Variants in CSGALNACT1 observed in about 807,000 individuals in gnomAD.
The protein encoded by CSGALNACT1 is chondroitin sulfate N-acetylgalactosaminyltransferase 1.
CSGALNACT1 carries 52 observed loss-of-function variants against 51.0 expected under a neutral mutation model. The ratio of observed to expected loss-of-function variants is 1.02; its 90% confidence interval spans 0.82 to 1.29. The LOEUF is 1.29. Ranked by LOEUF, CSGALNACT1 falls within the 50% of genes most tolerant of loss-of-function variation. CSGALNACT1 has a pLI of 0.00. For synonymous variants in CSGALNACT1, 341 were observed against 254.4 expected, an observed-to-expected ratio of 1.34 and a Z score of -3.24; for missense variants, 935 against 679.2, an observed-to-expected ratio of 1.38 and a Z score of -4.19.
chr8:19,753,337 A>C (rs1325583175), intron 1 of CSGALNACT1, among the ~76,000 whole-genome samples: 1 of 148,744 alleles, frequency 6.7e-6, no homozygotes, highest in Non-Finnish European at 1.5e-5. Flanking sequence ...AAGATTACTG[A>C]CCTAGACCTT....
intron 3 of CSGALNACT1, among the ~76,000 whole-genome samples, chr8:19,537,893 T>C (rs1010661920): frequency 2.6e-5 from 4 of 152,190 alleles, no homozygotes; most frequent in Non-Finnish European, 4.4e-5. Context: ...GAAACATACA[T>C]TGGACTTCAT....
chr8:19,510,159 G>T (rs2154008488), intron 3 of CSGALNACT1, among the ~76,000 whole-genome samples: 1 of 151,978 alleles, frequency 6.6e-6, no homozygotes, highest in African/African-American at 2.4e-5. Flanking sequence ...CCTATCCCTG[G>T]CCAAATCCCC....
intron 4 of CSGALNACT1, among the ~76,000 whole-genome samples, chr8:19,474,078 G>A (rs1381140995): frequency 2.6e-5 from 4 of 152,116 alleles, no homozygotes; most frequent in African/African-American, 7.2e-5. Context: ...AAAAGAACTA[G>A]CCATTACAAT....
chr8:19,458,398 G>A (rs369402165), intron 5 of CSGALNACT1, 28 bp downstream of exon 4: 130 of 1,548,928 alleles, frequency 8.4e-5, no homozygotes, highest in Non-Finnish European at 1.0e-4. Context: ...TCATGCGGAG[G>A]AAGATAAACA....
intron 4 of CSGALNACT1, among the ~76,000 whole-genome samples, chr8:19,476,469 T>C (rs891558069): frequency 6.6e-5 from 10 of 152,192 alleles, no homozygotes; most frequent in South Asian, 4.1e-4. Flanking sequence ...CTGGAACTCC[T>C]GACCTCAGGT....
At chr8:19,585,835 C>G (rs2046510608) in intron 3 of CSGALNACT1, among the ~76,000 whole-genome samples, 1 of 152,326 alleles carries the variant, frequency 6.6e-6, no homozygotes, top group Non-Finnish European at 1.5e-5. Context: ...CCAGTAGCAT[C>G]TGCCCTGAGG....
chr8:19,448,390 A>G (rs2153791043), intron 5 of CSGALNACT1, among the ~76,000 whole-genome samples: 1 of 152,288 alleles, frequency 6.6e-6, no homozygotes, highest in Middle Eastern at 3.4e-3. Flanking sequence ...GATTTTCCAG[A>G]TTTTAGCAAT....
chr8:19,725,115 A>G (rs1239291875), intron 1 of CSGALNACT1, among the ~76,000 whole-genome samples: 5 of 152,224 alleles, frequency 3.3e-5, no homozygotes, highest in Non-Finnish European at 7.3e-5. Context: ...TACCCAAAAA[A>G]ACTACAGAAG....
intron 1 of CSGALNACT1, among the ~76,000 whole-genome samples, chr8:19,720,508 G>T (rs1361332898): frequency 6.6e-6 from 1 of 152,186 alleles, no homozygotes; most frequent in African/African-American, 2.4e-5. Context: ...TACCTGGAGA[G>T]ACACTGTTCA....
intron 3 of CSGALNACT1, among the ~76,000 whole-genome samples, chr8:19,535,651 A>C (rs1393088902): frequency 6.6e-6 from 1 of 152,224 alleles, no homozygotes; most frequent in Non-Finnish European, 1.5e-5. Context: ...TATGATTCTG[A>C]TTGTAAGATG....
chr8:19,660,369 A>T (rs1173279267), intron 1 of CSGALNACT1, among the ~76,000 whole-genome samples: 1 of 152,130 alleles, frequency 6.6e-6, no homozygotes, highest in African/African-American at 2.4e-5. Flanking sequence ...CCTAAGCCTT[A>T]ATTTCTTCAT....
chr8:19,619,955 T>C (rs556402859), intron 1 of CSGALNACT1, among the ~76,000 whole-genome samples: 12 of 152,216 alleles, frequency 7.9e-5, no homozygotes, highest in African/African-American at 2.6e-4. Context: ...ATTCTAGTTC[T>C]CTAATTTCTA....
intron 1 of CSGALNACT1, among the ~76,000 whole-genome samples, chr8:19,616,912 T>C (rs117341704): frequency 0.022 from 3,346 of 152,176 alleles, 52 homozygotes; most frequent in Middle Eastern, 0.037. Flanking sequence ...TGGGGCAGGG[T>C]TGGGGGAGAT....
intron 3 of CSGALNACT1, among the ~76,000 whole-genome samples, chr8:19,534,173 C>T (rs952059446): frequency 8.6e-5 from 13 of 151,990 alleles, no homozygotes; most frequent in Admixed American, 2.0e-4. Context: ...CATATGAGGC[C>T]GGGTGTGGTG....
At chr8:19,407,949 G>A (rs868399276) in intron 9 of CSGALNACT1, among the ~76,000 whole-genome samples, 5 of 143,204 alleles carry the variant, frequency 3.5e-5, no homozygotes, top group African/African-American at 1.3e-4. Flanking sequence ...GTGTGTGTGT[G>A]TATTGGCAGC....
chr8:19,408,104 GGA>G lies in CSGALNACT1; in HGVS notation c.1309+507_1309+508del, dbSNP rs199934125. ...ACTGGGAGGCTTAGGATGTTCTACA[GGA>G]GAGGGCAGAGCAGCCAGGACCCCGC... On this transcript the variant is annotated intron_variant, in intron 9 of 9. Coordinates refer to ENST00000454498, the Ensembl canonical transcript of CSGALNACT1. Among the ~76,000 whole-genome samples, 958 of 152,302 alleles carry G rather than the reference GGA, an allele frequency of 6.3e-3. 2 individuals carry two copies. Among genetic ancestry groups the G allele is most frequent in the Admixed American group, 0.013 (196 of 15,310 alleles).
intron 4 of CSGALNACT1, among the ~76,000 whole-genome samples, chr8:19,480,913 A>G (rs1044425249): frequency 2.6e-5 from 4 of 152,128 alleles, no homozygotes; most frequent in African/African-American, 9.7e-5. Context: ...ACCAGGCAAT[A>G]TCGACTCATT....
rs541081222 is a variant in CSGALNACT1, at chr8:19,481,980, A to G, written c.634+23221T>C. Among the ~76,000 whole-genome samples, 4 of 152,286 alleles carry G rather than the reference A, an allele frequency of 2.6e-5. No individual in the cohort carries two copies. The South Asian group carries it at 6.2e-4, about 24-fold the overall frequency. ...GGGGGCTTTTTTTTCCATATACTGC[A>G]GCTACTCAATAGGACATAGGCAAAC... On this transcript the variant is annotated intron_variant, in intron 4 of 9. Coordinates refer to ENST00000454498, the Ensembl canonical transcript of CSGALNACT1.
chr8:19,599,494 A>AAGAAAGAAAGAAAGAAAGAT, intron 2 of CSGALNACT1, among the ~76,000 whole-genome samples: 1 of 149,094 alleles, frequency 6.7e-6, no homozygotes, highest in African/African-American at 2.5e-5. Flanking sequence ...GAAAGAAAGA[A>AAGAAAGAAAGAAAGAAAGAT]AGAAAGAAAG....
Sources: allele counts gnomAD v4.1 joint callset (sites outside exome capture counted in the v4.1 genomes callset), GRCh38; gene constraint gnomAD v4.1.1; transcripts MANE v1.5; gene names NCBI Gene and HGNC (gene_info 2026-07-23, HGNC 2026-07-21).